The following RGS7 variants were observed in gnomAD, a reference collection of about 807,000 sequenced individuals.
RGS7 encodes regulator of G-protein signaling 7.
Under a neutral mutation model 81.1 loss-of-function variants are expected in RGS7, and 27 were observed. The observed-to-expected ratio is 0.33, with a 90% CI of 0.25 to 0.46. The LOEUF (loss-of-function observed/expected upper bound fraction) is 0.46. Among genes scored for constraint, RGS7 ranks in the 20% least tolerant of loss-of-function variants. The pLI, the probability that RGS7 is intolerant of heterozygous loss-of-function variation, is 1.00. For missense variants in RGS7, 396 were observed against 607.4 expected (o/e 0.65, Z 3.66); for synonymous variants, 208 against 207.7 (o/e 1.00, Z -0.01).
chr1:241,257,499 C>T (rs962445033), intron 2 of RGS7, among the ~76,000 whole-genome samples: 1 of 152,206 alleles, frequency 6.6e-6, no homozygotes, highest in Admixed American at 6.5e-5. Flanking sequence ...CTAGATTGTG[C>T]CAAAATTAAC....
intron 3 of RGS7, among the ~76,000 whole-genome samples, chr1:241,045,405 C>G (rs1479037363): frequency 6.6e-6 from 1 of 152,056 alleles, no homozygotes; most frequent in Non-Finnish European, 1.5e-5. Flanking sequence ...ACTGTGTCGC[C>G]CAGGCTGGAG....
At chr1:241,344,055 A>C (rs146362600) in intron 2 of RGS7, among the ~76,000 whole-genome samples, 3,071 of 152,310 alleles carry the variant, frequency 0.02, 46 homozygotes, top group Middle Eastern at 0.048. Flanking sequence ...CAAACTAAAA[A>C]AATTTATATC....
At chr1:241,353,259 A>C (rs2083358674) in intron 2 of RGS7, among the ~76,000 whole-genome samples, 1 of 152,238 alleles carries the variant, frequency 6.6e-6, no homozygotes, top group Admixed American at 6.5e-5. Flanking sequence ...ACCCCTCTCC[A>C]ATTATTGTGT....
At chr1:241,042,045 T>A (rs2060649475) in intron 3 of RGS7, among the ~76,000 whole-genome samples, 1 of 152,200 alleles carries the variant, frequency 6.6e-6, no homozygotes, top group Non-Finnish European at 1.5e-5. Context: ...GAACACCTGC[T>A]GTTCCTAGTT....
chr1:241,309,449 C>T (rs1347642320), intron 2 of RGS7, among the ~76,000 whole-genome samples: 1 of 150,738 alleles, frequency 6.6e-6, no homozygotes, highest in East Asian at 1.9e-4. Flanking sequence ...CATAAGGTGT[C>T]TATGAGAAAC....
intron 4 of RGS7, among the ~76,000 whole-genome samples, chr1:240,979,466 G>T (rs1228749591): frequency 6.6e-6 from 1 of 152,140 alleles, no homozygotes; most frequent in Admixed American, 6.5e-5. Flanking sequence ...AAAAGATAGA[G>T]TATATTCTTG....
At chr1:241,124,185 G>C (rs2103009098) in intron 2 of RGS7, among the ~76,000 whole-genome samples, 1 of 151,832 alleles carries the variant, frequency 6.6e-6, no homozygotes, top group South Asian at 2.1e-4. Context: ...CTTGAGACCA[G>C]GAGTTCAAGA....
chr1:241,161,568 C>T (rs1320666590), intron 2 of RGS7, among the ~76,000 whole-genome samples: 6 of 147,042 alleles, frequency 4.1e-5, no homozygotes, highest in Non-Finnish European at 8.9e-5. Flanking sequence ...AATAATGTGA[C>T]CATGACACAT....
chr1:241,202,172 C>T (rs2073569201), intron 2 of RGS7, among the ~76,000 whole-genome samples: 1 of 152,048 alleles, frequency 6.6e-6, no homozygotes, highest in East Asian at 1.9e-4. Flanking sequence ...ATATTAATGA[C>T]AAAAGAGGTA....
rs2077926555 is a variant in RGS7 at position 241,271,944 on chromosome 1, T to C, written c.78+83755A>G. 6.6e-6 allele frequency among the ~76,000 whole-genome samples: 1 copy of C among 151,490 alleles called. No individual in the cohort carries two copies. The highest frequency in any genetic ancestry group is 2.4e-5 in the African/African-American group (1 of 41,206). On this transcript the variant is annotated intron_variant, in intron 2 of 18. Transcript: ENST00000440928. The surrounding 1 kb of genome is among the most constrained non-coding windows in gnomAD (Gnocchi z 4.6). ...GTGTGTGTGTGTGTAGACACACTAT[T>C]GGTTCTGTTTCTCTGGAGAACCCTG...
chr1:240,952,127 G>T (rs1219899289), intron 4 of RGS7, among the ~76,000 whole-genome samples: 1 of 151,978 alleles, frequency 6.6e-6, no homozygotes, highest in African/African-American at 2.4e-5. Flanking sequence ...TGCCAGAAAG[G>T]TTACAAAGAA....
intron 18 of RGS7, among the ~76,000 whole-genome samples, chr1:240,797,825 A>T (rs1434342752): frequency 6.6e-6 from 1 of 152,254 alleles, no homozygotes; most frequent in African/African-American, 2.4e-5. Flanking sequence ...ACCAACCTTA[A>T]GAGACTTCTC....
intron 2 of RGS7, among the ~76,000 whole-genome samples, chr1:241,284,547 G>C (rs2078692307): frequency 6.6e-6 from 1 of 152,234 alleles, no homozygotes; most frequent in Non-Finnish European, 1.5e-5. Context: ...GACAAGGAGA[G>C]AGAATGGGGC....
intron 2 of RGS7, among the ~76,000 whole-genome samples, chr1:241,345,717 C>T (rs925947672): frequency 6.6e-6 from 1 of 151,970 alleles, no homozygotes; most frequent in Non-Finnish European, 1.5e-5. Flanking sequence ...AAAGAAGCAA[C>T]AAATCACAAT....
At position 240,827,190 on chromosome 1, in the gene RGS7, G is replaced by A; in HGVS notation, c.610-18C>T. The A allele has an allele frequency of 6.3e-7, 1 of 1,591,950 alleles. No homozygotes were observed. Among genetic ancestry groups the A allele is most frequent in the Non-Finnish European group, 8.6e-7 (1 of 1,159,782 alleles). On this transcript the variant is annotated intron_variant, in intron 9 of 18. Transcript: ENST00000440928. ...CATCCAGGCTGGGAATGGAAAAACA[G>A]AGAGACAAATGAATCTTTGGGTGTG...
Position 241,253,383 on chromosome 1 carries a change from G to A in RGS7, c.78+102316C>T, listed in dbSNP as rs542896984. On this transcript the variant is annotated intron_variant, in intron 2 of 18. Transcript: ENST00000440928. ...TTATTCTACGTAGTTTGCTGTAAAC[G>A]TGTGCCCACTTCTTCCTTCTTGAGG... 1.4e-4 allele frequency among the ~76,000 whole-genome samples: 21 copies of A among 152,274 alleles called. 1 individual carries two copies. Among genetic ancestry groups the A allele is most frequent in the Admixed American group, 3.3e-4 (5 of 15,298 alleles).
chr1:241,068,502 A>C (rs2062231363), intron 3 of RGS7, among the ~76,000 whole-genome samples: 1 of 151,824 alleles, frequency 6.6e-6, no homozygotes, highest in Non-Finnish European at 1.5e-5. Context: ...AACAACTATT[A>C]TTACTCTCTT....
chr1:240,913,158 A>C (rs1672039556), intron 6 of RGS7, among the ~76,000 whole-genome samples: 1 of 152,224 alleles, frequency 6.6e-6, no homozygotes, highest in African/African-American at 2.4e-5. Context: ...CAAACATATT[A>C]ATATGGTTTT....
chr1:240,884,190 A>T (rs3856237), intron 6 of RGS7, among the ~76,000 whole-genome samples: 14 of 151,738 alleles, frequency 9.2e-5, no homozygotes, highest in African/African-American at 2.9e-4. Flanking sequence ...TTAACGTGTT[A>T]GATAAGCTTC....
Sources: allele counts gnomAD v4.1 joint callset (sites outside exome capture counted in the v4.1 genomes callset), GRCh38; gene constraint gnomAD v4.1.1; non-coding constraint Gnocchi (gnomAD v3.1); transcripts MANE v1.5; gene names NCBI Gene and HGNC (gene_info 2026-07-23, HGNC 2026-07-21).